FBXW2: variants seen among roughly 807,000 people sequenced by gnomAD.
FBXW2 encodes the protein F-box and WD repeat domain containing 2, also known as F-box/WD repeat-containing protein 2.
In FBXW2, 12 loss-of-function variants were observed where a neutral mutation model predicts 46.0. The ratio of observed to expected loss-of-function variants is 0.26; its 90% CI spans 0.17 to 0.42. The LOEUF is 0.42. FBXW2 is among the 10% of genes least tolerant of loss of function. The pLI, the probability that FBXW2 is intolerant of heterozygous loss-of-function variation, is 1.00. For synonymous variants in FBXW2, 203 were observed against 209.6 expected, an observed-to-expected ratio of 0.97 and a Z score of 0.27; for missense variants, 360 against 537.0, an observed-to-expected ratio of 0.67 and a Z score of 3.26.
chr9:120,792,898 G>T (rs2131395074), intron 2 of FBXW2: 1 of 1,522,246 alleles, frequency 6.6e-7, no homozygotes, highest in East Asian at 2.5e-5. Flanking sequence ...TGTTTTCATG[G>T]CATACCCACA....
At chr9:120,764,878 G>A (rs764752203) in intron 7 of FBXW2, 31 bp from the exon 8 acceptor site, 5 of 1,496,102 alleles carry the variant, frequency 3.3e-6, no homozygotes, top group Admixed American at 2.2e-5. Context: ...GACTGTGAAA[G>A]AAGGCAACCT....
In FBXW2 at chr9:120,786,443, G is replaced by GT. The variant is rs2044725577; in HGVS notation, c.490+1325dup. ...GATCATATTGCCTTCTGACATGATT[G>GT]TAAGTTTCCTGAGGCCTCCCCAGCC... On this transcript the variant is annotated intron_variant, in intron 3 of 7. Transcript: ENST00000608872. 2.0e-5 allele frequency among the ~76,000 whole-genome samples: 3 copies of GT among 152,276 alleles called. No individual in the cohort carries two copies. The South Asian group carries it at 6.2e-4, about 32-fold the overall frequency.
intron 4 of FBXW2, among the ~76,000 whole-genome samples, chr9:120,778,020 A>G (rs189749310): frequency 1.7e-3 from 254 of 152,168 alleles, no homozygotes; most frequent in African/African-American, 5.9e-3. Flanking sequence ...ATGGAATCTG[A>G]TAAAAGCCAA....
At chr9:120,791,378 T>C (rs139892662) in intron 2 of FBXW2, among the ~76,000 whole-genome samples, 199 of 152,256 alleles carry the variant, frequency 1.3e-3, no homozygotes, top group African/African-American at 3.9e-3. Context: ...ACTTTGGAGG[T>C]TGGCCAGATG....
intron 3 of FBXW2, among the ~76,000 whole-genome samples, chr9:120,782,381 G>A (rs986144278): frequency 1.1e-4 from 16 of 151,828 alleles, no homozygotes; most frequent in Admixed American, 2.6e-4. Flanking sequence ...CAGGATAATC[G>A]CTTGAACCTG....
intron 7 of FBXW2, among the ~76,000 whole-genome samples, 179 bp downstream of exon 7, chr9:120,771,169 C>T (rs1440725051): frequency 1.3e-5 from 2 of 152,186 alleles, no homozygotes; most frequent in Non-Finnish European, 2.9e-5. Context: ...TGCTTACTTC[C>T]TCTAAAATAT....
chr9:120,784,402 AG>A (rs1453327377), intron 3 of FBXW2, among the ~76,000 whole-genome samples: 1 of 152,154 alleles, frequency 6.6e-6, no homozygotes, highest in Non-Finnish European at 1.5e-5. Flanking sequence ...GCTTGAGCCC[AG>A]GAGTTCGAGA....
intron 5 of FBXW2, 119 bp from the exon 6 acceptor site, chr9:120,772,959 C>T (rs2044411462): frequency 2.9e-6 from 2 of 688,790 alleles, no homozygotes; most frequent in Admixed American, 5.5e-5. Flanking sequence ...TAAGCCATAA[C>T]TCCATTACCA....
At chr9:120,765,024 C>T (rs533413253) in intron 7 of FBXW2, among the ~76,000 whole-genome samples, 177 bp from the exon 8 acceptor site, 5 of 151,412 alleles carry the variant, frequency 3.3e-5, no homozygotes, top group South Asian at 2.1e-4. Flanking sequence ...ATAAAAAAGC[C>T]GGGAGCGGGA....
intron 5 of FBXW2, among the ~76,000 whole-genome samples, chr9:120,775,722 A>C (rs1271355259): frequency 6.6e-6 from 1 of 152,190 alleles, no homozygotes; most frequent in African/African-American, 2.4e-5. Flanking sequence ...AGAAAGAAAC[A>C]TGTTTATTCT....
In FBXW2 at chr9:120,771,462, G is replaced by A. The variant is rs1433856563; in HGVS notation, c.962C>T (p.Ser321Phe). The part of the protein sequence containing the change: ...NCKCLKTLSV[S>F]EDRSICLQPR... ...CTGCAGGCAGATACTTCTATCCTCA[G>A]AGACAGACAATGTCTTTAAGCACTT... The change falls in exon 7 of 8, where the codon TCT becomes TTT. Residue 321 changes from serine (S) to phenylalanine (F), a missense_variant. Ser to Phe is a radical substitution (Grantham distance 155, BLOSUM62 -2). Coordinates refer to ENST00000608872, the MANE Select transcript of FBXW2 (RefSeq NM_012164.4). 1 of 1,614,148 alleles carries A rather than the reference G, an allele frequency of 6.2e-7. No individual in the cohort carries two copies. Among genetic ancestry groups the A allele is most frequent in the Admixed American group, 1.7e-5 (1 of 60,024 alleles).
rs961248790 is a variant in FBXW2 at position 120,769,255 on chromosome 9, GTTTCAACAGAGGTTGGT to G, written c.1076+2076_1076+2092del. 1.7e-4 allele frequency among the ~76,000 whole-genome samples: 26 copies of G among 152,344 alleles called. No homozygotes were observed. In the South Asian group the frequency reaches 2.5e-3, roughly 15 times the overall value. ...ACTGAAGCCAGAGGATTTGTAGTAG[GTTTCAACAGAGGTTGGT>G]TTATCTGTGTTTGGGAGGAAAAAAG... On this transcript the variant is annotated intron_variant, in intron 7 of 7. Coordinates refer to ENST00000608872, the MANE Select transcript of FBXW2 (RefSeq NM_012164.4).
chr9:120,781,189 C>T lies in FBXW2; in HGVS notation c.491-2644G>A, dbSNP rs570039673. Among the ~76,000 whole-genome samples the T allele has an allele frequency of 4.5e-4, 69 of 152,282 alleles. 1 individual carries two copies. The highest frequency in any genetic ancestry group is 1.5e-3 in the African/African-American group (64 of 41,536). On this transcript the variant is annotated intron_variant, in intron 3 of 7. Transcript: ENST00000608872. ...TTTTAGACGTTGACCTATTGAGTTG[C>T]AATTACTCTCTTCTGCTGGATTTGG...
In FBXW2 at chr9:120,776,116, C is replaced by T. The variant is rs764115075; in HGVS notation, c.796G>A (p.Gly266Arg). 17 of 1,613,914 alleles carry T rather than the reference C, an allele frequency of 1.1e-5. No homozygotes were observed. Among genetic ancestry groups the T allele is most frequent in the East Asian group, 2.2e-5 (1 of 44,866 alleles). ...ACCTTGGTGACCCATTCCGTGTGCC[C>T]GGTGAGTGTGTTCAGGCATGTCCCA... ...SAGTCLNTLT[G>R]HTEWVTKVVL... The change falls in exon 5 of 8, where the codon GGG (glycine) becomes AGG (arginine). Residue 266 changes from glycine to arginine, a missense_variant. By Grantham distance (125) the Gly-to-Arg change is moderately radical (BLOSUM62 -2). Coordinates refer to ENST00000608872, the MANE Select transcript of FBXW2 (RefSeq NM_012164.4).
intron 5 of FBXW2, among the ~76,000 whole-genome samples, chr9:120,775,514 T>C (rs1383079940): frequency 2.0e-5 from 3 of 152,202 alleles, no homozygotes; most frequent in Non-Finnish European, 2.9e-5. Flanking sequence ...AGCCCCCTCA[T>C]AGAATGGGAT....
chr9:120,788,096 C>T lies in FBXW2; in HGVS notation c.163G>A (p.Asp55Asn), dbSNP rs745767364. 1 of 1,614,122 alleles carries T rather than the reference C, an allele frequency of 6.2e-7. No homozygotes were observed. The highest frequency in any genetic ancestry group is 2.2e-5 in the East Asian group (1 of 44,882). Residue 55 changes from aspartate (D) to asparagine (N), a missense_variant, in exon 3 of 8, where the codon GAC (aspartate) becomes AAC (asparagine). Transcript: ENST00000608872. The stretch of plus-strand genomic sequence containing the variant: ...TCCAGGGGAAGGAGTTTGAGGAAGT[C>T]CCGCTTGAGGAGAGTCTCTAGGTTA... ...SNNLETLLKR[D>N]FLKLLPLELS...
chr9:120,790,457 C>T (rs1026965908), intron 2 of FBXW2, among the ~76,000 whole-genome samples: 7 of 151,294 alleles, frequency 4.6e-5, no homozygotes, highest in Non-Finnish European at 4.4e-5. Context: ...GCACTCCAGC[C>T]GGGGCGAGAG....
rs565789975 is a variant in FBXW2, at chr9:120,791,911, A to G, written c.-21+1238T>C. Among the ~76,000 whole-genome samples, 192 of 152,276 alleles carry G rather than the reference A, an allele frequency of 1.3e-3. 1 individual carries two copies. The highest frequency in any genetic ancestry group is 1.6e-3 in the Non-Finnish European group (111 of 68,030). On this transcript the variant is annotated intron_variant, in intron 2 of 7. Transcript: ENST00000608872. ...TAATCACAAAGTGGGTCATGCAACA[A>G]AAAGACTCCTAAATTGGAAAATGAG...
intron 7 of FBXW2, among the ~76,000 whole-genome samples, chr9:120,768,943 C>A (rs1165221459): frequency 6.6e-6 from 1 of 152,232 alleles, no homozygotes; most frequent in Non-Finnish European, 1.5e-5. Context: ...GGCTCAAGAT[C>A]TGTGAAGATG....
Sources: gnomAD v4.1 joint callset for allele counts (sites outside exome capture counted in the v4.1 genomes callset) on GRCh38, gnomAD v4.1.1 for gene constraint, MANE v1.5 for transcripts, NCBI Gene and HGNC (gene_info 2026-07-23, HGNC 2026-07-21) for gene names.